The following TAOK1 variants were observed in gnomAD, a reference collection of about 807,000 sequenced individuals.
The protein encoded by TAOK1 is TAO kinase 1.
In TAOK1, 21 loss-of-function variants were observed where a neutral mutation model predicts 138.3. The observed-to-expected ratio is 0.15, with a 90% CI of 0.11 to 0.22. The LOEUF (loss-of-function observed/expected upper bound fraction) is 0.22. Ranked by LOEUF, TAOK1 falls within the 10% of genes least tolerant of loss-of-function variation. The pLI is 1.00. For synonymous variants in TAOK1, 361 were observed against 398.4 expected, an observed-to-expected ratio of 0.91 and a Z score of 1.12; for missense variants, 651 against 1,227.7, an observed-to-expected ratio of 0.53 and a Z score of 7.02.
intron 3 of TAOK1, among the ~76,000 whole-genome samples, chr17:29,472,007 CCA>C (rs1473636735): frequency 6.6e-6 from 1 of 152,156 alleles, no homozygotes; most frequent in Non-Finnish European, 1.5e-5. Flanking sequence ...ATGTGTAATT[CCA>C]GTTTTCCTGC....
intron 11 of TAOK1, among the ~76,000 whole-genome samples, chr17:29,497,644 G>A (rs2031438776): frequency 6.7e-6 from 1 of 150,198 alleles, no homozygotes; most frequent in Non-Finnish European, 1.5e-5. Context: ...ACAAGAAGAG[G>A]TAGGAATTAA....
At chr17:29,417,607 A>T (rs1482515264) in intron 1 of TAOK1, among the ~76,000 whole-genome samples, 1 of 151,920 alleles carries the variant, frequency 6.6e-6, no homozygotes. Flanking sequence ...TCTTAATTCC[A>T]CCTGTGGCCA....
intron 1 of TAOK1, among the ~76,000 whole-genome samples, chr17:29,423,219 C>CTTTT (rs1318145646): frequency 1.2e-5 from 1 of 81,804 alleles, no homozygotes; most frequent in Admixed American, 1.2e-4. Flanking sequence ...AATCTTTCTT[C>CTTTT]TTTTCTTTTT....
intron 4 of TAOK1, 118 bp downstream of exon 4, chr17:29,475,889 C>T (rs1212477699): frequency 6.7e-6 from 5 of 744,254 alleles, no homozygotes; most frequent in African/African-American, 1.8e-5. Flanking sequence ...AATGTTAGTT[C>T]GTACTGAAAG....
At position 29,458,676 on chromosome 17, in the gene TAOK1, C is replaced by T. The variant is rs150958050; in HGVS notation, c.132+6996C>T. On this transcript the variant is annotated intron_variant, in intron 2 of 19. Coordinates refer to ENST00000261716, the MANE Select transcript of TAOK1 (RefSeq NM_020791.4). ...CACACCTGATTAGTTTTTTGTATTT[C>T]TATTTTTTGTTTATTTATTTTATTT... Among the ~76,000 whole-genome samples, 69 of 151,442 alleles carry T rather than the reference C, an allele frequency of 4.6e-4. No individual in the cohort carries two copies. The East Asian group carries it at 0.013, about 29-fold the overall frequency.
At chr17:29,528,210 G>A (rs2958214) in intron 17 of TAOK1, among the ~76,000 whole-genome samples, 78,181 of 151,774 alleles carry the variant, frequency 0.52, 22,900 homozygotes, top group Non-Finnish European at 0.66. Context: ...CCACCACACC[G>A]GGCTAATTTT....
chr17:29,426,169 C>T (rs1415261256), intron 1 of TAOK1, among the ~76,000 whole-genome samples: 2 of 152,032 alleles, frequency 1.3e-5, no homozygotes, highest in East Asian at 1.9e-4. Flanking sequence ...CGTGAGCCAC[C>T]GCACCCGGCC....
At chr17:29,420,523 G>A (rs1386157938) in intron 1 of TAOK1, among the ~76,000 whole-genome samples, 1 of 149,888 alleles carries the variant, frequency 6.7e-6, no homozygotes, top group Admixed American at 6.7e-5. Context: ...AGCTCCTAAA[G>A]TACAGTGTGA....
rs906078176 is a variant in TAOK1 at position 29,544,775 on chromosome 17, A to G, written c.*1753A>G. 2 of 152,188 alleles carry G rather than the reference A, an allele frequency of 1.3e-5. No individual in the cohort carries two copies. The highest frequency in any genetic ancestry group is 2.4e-5 in the African/African-American group (1 of 41,442). The allele number at this position is 152,188 out of a possible 1,614,324, so 9.4% of individuals were successfully genotyped here. ...GCTCCCTTCCAAGTTGTCTTGAAGA[A>G]TCCTTGCTGCTAACTCTGGATCCTG... On this transcript the variant is annotated 3_prime_UTR_variant, in exon 20 of 20. Coordinates refer to ENST00000261716, the MANE Select transcript of TAOK1 (RefSeq NM_020791.4).
At chr17:29,520,154 C>T (rs2031888858) in intron 16 of TAOK1, among the ~76,000 whole-genome samples, 1 of 149,438 alleles carries the variant, frequency 6.7e-6, no homozygotes, top group African/African-American at 2.5e-5. Context: ...GCACTCCAGC[C>T]TGGGCGACAG....
In TAOK1 at chr17:29,495,649, G is replaced by A. The variant is rs201026261; in HGVS notation, c.921G>A (p.Leu307=). Residue 307 remains leucine, a synonymous_variant, in exon 11 of 20, where the codon CTG becomes CTA. Coordinates refer to ENST00000261716, the MANE Select transcript of TAOK1 (RefSeq NM_020791.4). The part of the protein sequence containing the change: ...TKDAVRELDN[L]QYRKMKKLLF... ...ATGCAGTAAGAGAGCTGGACAATCT[G>A]CAGTATCGAAAGATGAAGAAACTCC... 2.7e-5 allele frequency: 43 copies of A among 1,611,278 alleles called. No individual in the cohort carries two copies. Among genetic ancestry groups the A allele is most frequent in the Non-Finnish European group, 3.6e-5 (43 of 1,178,208 alleles).
chr17:29,535,842 G>A (rs1313872582), intron 19 of TAOK1, among the ~76,000 whole-genome samples: 3 of 151,814 alleles, frequency 2.0e-5, no homozygotes, highest in Non-Finnish European at 2.9e-5. Flanking sequence ...GTTACAAAGC[G>A]AGACCCTGTC....
At chr17:29,481,076 T>C (rs2031052076) in intron 7 of TAOK1, among the ~76,000 whole-genome samples, 1 of 152,072 alleles carries the variant, frequency 6.6e-6, no homozygotes, top group Admixed American at 6.5e-5. Context: ...GATTATTCAG[T>C]CTTGGTTATT....
intron 1 of TAOK1, among the ~76,000 whole-genome samples, chr17:29,391,857 A>G (rs140574313): frequency 3.8e-4 from 58 of 152,306 alleles, no homozygotes; most frequent in African/African-American, 1.3e-3. Context: ...TTAGAATTCA[A>G]ATAAAATAAT....
chr17:29,502,345 G>A (rs192359890), intron 12 of TAOK1, among the ~76,000 whole-genome samples: 13 of 152,258 alleles, frequency 8.5e-5, no homozygotes, highest in African/African-American at 2.6e-4. Flanking sequence ...TAGGCAGATC[G>A]TTTGAGCTTG....
chr17:29,446,245 A>G (rs916098505), intron 1 of TAOK1, among the ~76,000 whole-genome samples: 4 of 151,544 alleles, frequency 2.6e-5, no homozygotes, highest in African/African-American at 9.7e-5. Context: ...TTTTTTCTCT[A>G]TTGGCCTTTT....
intron 1 of TAOK1, among the ~76,000 whole-genome samples, chr17:29,448,481 G>A (rs2030151087): frequency 1.3e-5 from 2 of 151,938 alleles, no homozygotes; most frequent in South Asian, 4.2e-4. Context: ...GACATACATG[G>A]GTTTGTTTCT....
intron 1 of TAOK1, among the ~76,000 whole-genome samples, chr17:29,397,124 G>A (rs1249050090): frequency 6.8e-5 from 10 of 147,152 alleles, no homozygotes; most frequent in African/African-American, 1.8e-4. Context: ...GCGAAACCTC[G>A]TCTCTACTAA....
chr17:29,471,380 A>G (rs1362431505), intron 3 of TAOK1, among the ~76,000 whole-genome samples: 2 of 139,916 alleles, frequency 1.4e-5, no homozygotes, highest in Non-Finnish European at 3.0e-5. Flanking sequence ...CCCGGGTTCA[A>G]GTGATTCTCC....
Sources: gnomAD v4.1 joint callset for allele counts (sites outside exome capture counted in the v4.1 genomes callset) on GRCh38, gnomAD v4.1.1 for gene constraint, MANE v1.5 for transcripts, NCBI Gene and HGNC (gene_info 2026-07-23, HGNC 2026-07-21) for gene names.